Variants in B4GALT6 observed in about 807,000 individuals in gnomAD.
B4GALT6 encodes the protein UDP-Gal:beta-GlcNAc beta-1,4-galactosyltransferase 6.
Under a neutral mutation model 46.3 loss-of-function variants are expected in B4GALT6, and 14 were observed. That is an observed-to-expected ratio of 0.30 (90% CI 0.20 to 0.47). B4GALT6 has a LOEUF of 0.47. Among genes scored for constraint, B4GALT6 ranks in the 20% least tolerant of loss-of-function variants. The pLI is 0.99. For synonymous variants in B4GALT6, 168 were observed against 162.0 expected (o/e 1.04, Z -0.28); for missense variants, 386 against 480.1 (o/e 0.80, Z 1.83).
chr18:31,672,671 CTATGTAA>C (rs1325144052), intron 1 of B4GALT6, among the ~76,000 whole-genome samples: 3 of 152,180 alleles, frequency 2.0e-5, no homozygotes, highest in Non-Finnish European at 4.4e-5. Flanking sequence ...ATATACTAAC[CTATGTAA>C]TCCTCACAAG....
At chr18:31,671,509 A>ATT (rs566313826) in intron 1 of B4GALT6, among the ~76,000 whole-genome samples, 7 of 152,058 alleles carry the variant, frequency 4.6e-5, no homozygotes, top group Non-Finnish European at 7.4e-5. Context: ...GATGATGAGC[A>ATT]TTTTTTCATA....
rs1791162 is a variant in B4GALT6, at chr18:31,656,422, C to A, written c.346+1554G>T. On this transcript the variant is annotated intron_variant, in intron 3 of 8. Transcript: ENST00000306851. ...GGGGCAGGGGTAGAAGATACACACA[C>A]AAAAAAAAGCTAAAATAATAGCCGT... Among the ~76,000 whole-genome samples, 1,373 of 150,936 alleles carry A rather than the reference C, an allele frequency of 9.1e-3. 18 individuals carry two copies. Among genetic ancestry groups the A allele is most frequent in the African/African-American group, 0.031 (1,290 of 41,164 alleles).
At chr18:31,715,580 C>T in the B4GALT6 span, among the ~76,000 whole-genome samples, 3 of 92,574 alleles carry the variant, frequency 3.2e-5, no homozygotes, top group Admixed American at 1.9e-4. Context: ...GATGGAGTTT[C>T]GCTCTTGTTG....
At chr18:31,698,482 A>G in the B4GALT6 span, among the ~76,000 whole-genome samples, 1 of 151,978 alleles carries the variant, frequency 6.6e-6, no homozygotes, top group African/African-American at 2.4e-5. Context: ...ATACAAAACA[A>G]TTAGCCAGGC....
chr18:31,631,431 T>C (rs1567958846), intron 5 of B4GALT6, among the ~76,000 whole-genome samples: 5 of 152,068 alleles, frequency 3.3e-5, no homozygotes, highest in African/African-American at 9.7e-5. Context: ...CCAAATGAAA[T>C]AGACAAATAA....
chr18:31,690,017 A>G (rs2030057212), upstream of B4GALT6, among the ~76,000 whole-genome samples: 1 of 152,212 alleles, frequency 6.6e-6, no homozygotes, highest in African/African-American at 2.4e-5. Context: ...TCTTGTGGAC[A>G]CGTGCATCTT....
chr18:31,636,186 CTATT>C (rs1481493596), intron 5 of B4GALT6, among the ~76,000 whole-genome samples: 2 of 152,128 alleles, frequency 1.3e-5, no homozygotes, highest in Non-Finnish European at 2.9e-5. Flanking sequence ...AGAGCTAAAA[CTATT>C]AAGTTTCTGG....
intron 3 of B4GALT6, among the ~76,000 whole-genome samples, chr18:31,651,433 C>A (rs566435770): frequency 5.9e-5 from 9 of 152,014 alleles, no homozygotes; most frequent in Non-Finnish European, 1.3e-4. Context: ...ACCTGTTAGT[C>A]ACCTTCTAAT....
intron 1 of B4GALT6, among the ~76,000 whole-genome samples, chr18:31,675,907 T>C (rs2074409081): frequency 6.6e-6 from 1 of 152,212 alleles, no homozygotes; most frequent in African/African-American, 2.4e-5. Context: ...ACCTCCAATT[T>C]ACTTGTGTTT....
chr18:31,632,383 T>C (rs537870173), intron 5 of B4GALT6, among the ~76,000 whole-genome samples: 3 of 152,346 alleles, frequency 2.0e-5, no homozygotes, highest in African/African-American at 4.8e-5. Context: ...GTTTTAAAAA[T>C]TGTTTTTATT....
At chr18:31,637,339 T>C (rs1272411412) in intron 5 of B4GALT6, among the ~76,000 whole-genome samples, 1 of 152,118 alleles carries the variant, frequency 6.6e-6, no homozygotes, top group African/African-American at 2.4e-5. Context: ...GAATCTCAAA[T>C]TTGGAAGGGA....
At chr18:31,636,115 G>A (rs533712239) in intron 5 of B4GALT6, among the ~76,000 whole-genome samples, 9 of 152,316 alleles carry the variant, frequency 5.9e-5, no homozygotes, top group African/African-American at 2.2e-4. Flanking sequence ...ACAACTAAAC[G>A]AAACTTCACT....
At chr18:31,663,975 G>A (rs2074251193) in intron 2 of B4GALT6, among the ~76,000 whole-genome samples, 1 of 152,200 alleles carries the variant, frequency 6.6e-6, no homozygotes, top group Non-Finnish European at 1.5e-5. Flanking sequence ...TTTCACTAGA[G>A]TTCCAGCATA....
In B4GALT6 at chr18:31,625,458, G is replaced by T; in HGVS notation, c.*156C>A. On this transcript the variant is annotated 3_prime_UTR_variant, in exon 9 of 9. Transcript: ENST00000306851. Reference sequence around the variant, plus strand: ...CAGGGAGGACGGGTGAGAGAAGGGTGACTGTATATAGTCCCACTCTGTAAA... The same window carrying T: ...CAGGGAGGACGGGTGAGAGAAGGGTTACTGTATATAGTCCCACTCTGTAAA... 4.2e-6 allele frequency: 3 copies of T among 711,128 alleles called. No individual in the cohort carries two copies. Among genetic ancestry groups the T allele is most frequent in the Non-Finnish European group, 6.7e-6 (3 of 448,382 alleles). The allele number at this position is 711,128 out of a possible 1,614,324, so 44.1% of individuals were successfully genotyped here.
chr18:31,652,702 A>T (rs1166121137), intron 3 of B4GALT6, among the ~76,000 whole-genome samples: 1 of 152,224 alleles, frequency 6.6e-6, no homozygotes, highest in African/African-American at 2.4e-5. Context: ...TCACCAAGTC[A>T]GAAACCTGGA....
At chr18:31,699,705 A>G in the B4GALT6 span, among the ~76,000 whole-genome samples, 43 of 151,992 alleles carry the variant, frequency 2.8e-4, no homozygotes, top group African/African-American at 1.0e-3. Flanking sequence ...AGGAAGAAAC[A>G]GTGGTGACGA....
At chr18:31,631,198 ATCTTTTTTTTTTTTTT>A (rs1244816925) in intron 5 of B4GALT6, 52 bp from the exon 6 acceptor site, 2 of 1,221,578 alleles carry the variant, frequency 1.6e-6, no homozygotes, top group African/African-American at 5.1e-5. Flanking sequence ...ACACTTCATC[ATCTTTTTTTTTTTTTT>A]TCTTTTTTTT....
intron 3 of B4GALT6, among the ~76,000 whole-genome samples, chr18:31,647,375 CTTTA>C (rs1381496563): frequency 6.6e-6 from 1 of 152,150 alleles, no homozygotes; most frequent in African/African-American, 2.4e-5. Flanking sequence ...AAGAGACAGG[CTTTA>C]TTTCTTTCCC....
intron 6 of B4GALT6, among the ~76,000 whole-genome samples, chr18:31,627,911 TG>T (rs1481786348): frequency 6.6e-6 from 1 of 152,176 alleles, no homozygotes; most frequent in Non-Finnish European, 1.5e-5. Flanking sequence ...AACACGCCCC[TG>T]GGGAGCAGAT....
Sources: allele counts gnomAD v4.1 joint callset (sites outside exome capture counted in the v4.1 genomes callset), GRCh38; gene constraint gnomAD v4.1.1; transcripts MANE v1.5; gene names NCBI Gene and HGNC (gene_info 2026-07-23, HGNC 2026-07-21).